The following ADAM28 variants were observed in gnomAD, a reference collection of about 807,000 sequenced individuals.
The protein encoded by ADAM28 is ADAM metallopeptidase domain 28.
A neutral mutation model predicts 101.2 loss-of-function variants in ADAM28; 105 were observed. The ratio of observed to expected loss-of-function variants is 1.04; its 90% confidence interval spans 0.89 to 1.22. ADAM28 has a LOEUF of 1.22. Ranked by LOEUF, ADAM28 falls within the 50% of genes most tolerant of loss-of-function variation. The probability of loss-of-function intolerance (pLI) is 0.00; values close to 1 mark genes in which losing one functional copy is unlikely to be tolerated. For missense variants in ADAM28, 1,028 were observed against 945.4 expected (o/e 1.09, Z -1.15); for synonymous variants, 322 against 310.6 (o/e 1.04, Z -0.39).
intron 2 of ADAM28, among the ~76,000 whole-genome samples, chr8:24,300,480 G>C (rs6992028): frequency 5.9e-5 from 9 of 151,840 alleles, no homozygotes; most frequent in African/African-American, 2.2e-4. Flanking sequence ...GCAGTGGTGT[G>C]ATCTTGGCTC....
chr8:24,327,849 C>T (rs963210530), intron 10 of ADAM28, among the ~76,000 whole-genome samples: 2 of 152,056 alleles, frequency 1.3e-5, no homozygotes, highest in Non-Finnish European at 2.9e-5. Flanking sequence ...GAGTATGCCT[C>T]TAACTCTTTC....
At chr8:24,316,431 A>G (rs1246429391) in intron 6 of ADAM28, among the ~76,000 whole-genome samples, 2 of 152,042 alleles carry the variant, frequency 1.3e-5, no homozygotes, top group African/African-American at 4.8e-5. Flanking sequence ...ACAAATGTTG[A>G]TAGTGTGCAA....
rs768743036 is a variant in ADAM28, at chr8:24,330,109, C to T, written c.1097C>T (p.Ala366Val). The T allele has an allele frequency of 6.2e-7, 1 of 1,612,856 alleles. No individual in the cohort carries two copies. The highest frequency in any genetic ancestry group is 8.5e-7 in the Non-Finnish European group (1 of 1,179,204). Reference protein sequence around the residue: ...CPSTICVMDKALSFYIPTDFS... With the variant: ...CPSTICVMDKVLSFYIPTDFS... ...TCTACAATATGTGTGATGGACAAAGCACTGAGGTGAGGCTCTCTGGGCCCT... is the reference window on the plus strand; with the variant it reads ...TCTACAATATGTGTGATGGACAAAGTACTGAGGTGAGGCTCTCTGGGCCCT... The change falls in exon 11 of 23, where the codon GCA becomes GTA. Residue 366 changes from alanine (A) to valine (V), a missense_variant. Coordinates refer to ENST00000265769, the MANE Select transcript of ADAM28 (RefSeq NM_014265.6).
chr8:24,316,982 G>A (rs982709820), intron 6 of ADAM28, among the ~76,000 whole-genome samples: 1 of 147,078 alleles, frequency 6.8e-6, no homozygotes, highest in Non-Finnish European at 1.5e-5. Flanking sequence ...ATAATACTTG[G>A]GAATAAATTT....
chr8:24,319,552 GA>G (rs760267878), intron 6 of ADAM28, among the ~76,000 whole-genome samples: 19 of 151,938 alleles, frequency 1.3e-4, no homozygotes, highest in Non-Finnish European at 2.5e-4. Flanking sequence ...CTTTGTAATC[GA>G]ACTTTAGTTA....
rs1173373914 is a variant in ADAM28 at position 24,313,494 on chromosome 8, A to T, written c.490A>T (p.Asn164Tyr). The change falls in exon 6 of 23, where the codon AAT becomes TAT. Residue 164 changes from asparagine to tyrosine, a missense_variant. By Grantham distance (143) the Asn-to-Tyr change is moderately radical. Transcript: ENST00000265769. ...ALFKYNPDEK[N>Y]YDSTCGMDGV... ...CTTCAAGTATAACCCTGATGAAAAG[A>T]ATTATGACAGCACCTGTGGGATGGA... The T allele has an allele frequency of 1.2e-6, 2 of 1,613,926 alleles. No individual in the cohort carries two copies. The highest frequency in any genetic ancestry group is 3.3e-5 in the Admixed American group (2 of 59,970).
intron 14 of ADAM28, chr8:24,336,037 C>CGGGTGT (rs1813998391): frequency 1.0e-6 from 1 of 956,378 alleles, no homozygotes; most frequent in Non-Finnish European, 1.2e-6. Context: ...TGTGTGTGTG[C>CGGGTGT]GGGTGTGTGT....
At chr8:24,313,636 G>T in intron 6 of ADAM28, 56 bp downstream of exon 6, 1 of 1,545,724 alleles carries the variant, frequency 6.5e-7, no homozygotes, top group South Asian at 1.2e-5. Context: ...CTGGTTTCCA[G>T]AATTAGCAGT....
At chr8:24,349,753 C>A in intron 18 of ADAM28, 111 bp from the exon 19 acceptor site, 1 of 725,698 alleles carries the variant, frequency 1.4e-6, no homozygotes, top group South Asian at 2.3e-5. Context: ...AATTTATGTT[C>A]ATTGGAGAAA....
At chr8:24,323,670 T>C (rs1812172774) in intron 8 of ADAM28, among the ~76,000 whole-genome samples, 164 bp from the exon 9 acceptor site, 1 of 151,998 alleles carries the variant, frequency 6.6e-6, no homozygotes, top group South Asian at 2.1e-4. Context: ...ATGGGAGTTT[T>C]AGTGTCTACA....
Position 24,358,818 on chromosome 8 carries a change from C to T in ADAM28, c.*4414C>T, listed in dbSNP as rs4242406. ...AAGGCAACTTCTTGTGAACATTAAACGGTTTATCTCCTTCACCTCATATTA... is the reference window on the plus strand; with the variant it reads ...AAGGCAACTTCTTGTGAACATTAAATGGTTTATCTCCTTCACCTCATATTA... On this transcript the variant is annotated 3_prime_UTR_variant, in exon 23 of 23. Coordinates refer to ENST00000265769, the MANE Select transcript of ADAM28 (RefSeq NM_014265.6). The T allele has an allele frequency of 0.87, 132,643 of 152,178 alleles. 58,055 individuals are homozygous for T. The highest frequency in any genetic ancestry group is 0.91 in the Non-Finnish European group (61,742 of 68,012). 9.4% of individuals were successfully genotyped at this position (152,178 alleles called of 1,614,324 possible). A position where few individuals can be genotyped will look rare whatever the true frequency, so the allele number is the denominator to read the frequency against.
At chr8:24,345,027 T>C (rs1815244665) in intron 18 of ADAM28, among the ~76,000 whole-genome samples, 1 of 139,958 alleles carries the variant, frequency 7.1e-6, no homozygotes, top group South Asian at 2.2e-4. Context: ...ATATTTAATG[T>C]CAAAAAAAAA....
rs1309750360 is a variant in ADAM28, at chr8:24,309,990, A to G, written c.227+20A>G. On this transcript the variant is annotated intron_variant, in intron 3 of 22. Coordinates refer to ENST00000265769, the MANE Select transcript of ADAM28 (RefSeq NM_014265.6). ...AAACAAGTAAGTATCTTTACCTGTG[A>G]TATTATCCTCAGCAAGAGCAAGGCA... is the stretch of plus-strand genomic sequence containing the variant. 2 of 1,540,954 alleles carry G rather than the reference A, an allele frequency of 1.3e-6. No individual in the cohort carries two copies. Among genetic ancestry groups the G allele is most frequent in the Non-Finnish European group, 1.8e-6 (2 of 1,116,506 alleles).
chr8:24,324,005 T>C lies in ADAM28; in HGVS notation c.890+2T>C, dbSNP rs1173224569. The C allele has an allele frequency of 6.2e-7, 1 of 1,611,198 alleles. No homozygotes were observed. The highest frequency in any genetic ancestry group is 8.5e-7 in the Non-Finnish European group (1 of 1,178,228). The stretch of plus-strand genomic sequence containing the variant: ...TCATGATATTGCTCAGTTAATCACG[T>C]ATGTACAGATTTTCTCCCATTGCAC... On this transcript the variant is annotated splice_donor_variant, in intron 9 of 22. Coordinates refer to ENST00000265769, the MANE Select transcript of ADAM28 (RefSeq NM_014265.6). LOFTEE classifies it high-confidence loss of function.
In ADAM28 at chr8:24,358,968, G is replaced by A. The variant is rs1323170617; in HGVS notation, c.*4564G>A. On this transcript the variant is annotated 3_prime_UTR_variant, in exon 23 of 23. Coordinates refer to ENST00000265769, the MANE Select transcript of ADAM28 (RefSeq NM_014265.6). Reference sequence around the variant, plus strand: ...TTGTTACTTTAAATAGTTTGACAATGTTATTTTAAAATCTGGACAAATCAC... The same window carrying A: ...TTGTTACTTTAAATAGTTTGACAATATTATTTTAAAATCTGGACAAATCAC... 6.6e-6 allele frequency: 1 copy of A among 152,050 alleles called. No homozygotes were observed. Among genetic ancestry groups the A allele is most frequent in the Non-Finnish European group, 1.5e-5 (1 of 68,004 alleles). The allele number at this position is 152,050 out of a possible 1,614,324, so 9.4% of individuals were successfully genotyped here.
intron 22 of ADAM28, 135 bp downstream of exon 22, chr8:24,353,967 G>C: frequency 1.8e-6 from 1 of 568,178 alleles, no homozygotes; most frequent in Non-Finnish European, 3.1e-6. Flanking sequence ...GTGCCAACAT[G>C]AAAGTCTTAT....
intron 13 of ADAM28, among the ~76,000 whole-genome samples, chr8:24,333,945 T>A (rs1813686712): frequency 6.6e-6 from 1 of 152,330 alleles, no homozygotes; most frequent in African/African-American, 2.4e-5. Flanking sequence ...TTTTAAATGA[T>A]CTGTAACTGC....
At chr8:24,321,726 G>A (rs1021680629) in intron 8 of ADAM28, among the ~76,000 whole-genome samples, 2 of 151,862 alleles carry the variant, frequency 1.3e-5, no homozygotes, top group African/African-American at 4.8e-5. Flanking sequence ...CATAGCTAAG[G>A]AATCATATTC....
At chr8:24,342,671 A>G (rs1335985650) in intron 16 of ADAM28, among the ~76,000 whole-genome samples, 1 of 152,090 alleles carries the variant, frequency 6.6e-6, no homozygotes, top group Non-Finnish European at 1.5e-5. Context: ...TGTATTTTCT[A>G]GTGCTGAAGC....
Sources: allele counts gnomAD v4.1 joint callset (sites outside exome capture counted in the v4.1 genomes callset), GRCh38; gene constraint gnomAD v4.1.1; transcripts MANE v1.5; gene names NCBI Gene and HGNC (gene_info 2026-07-23, HGNC 2026-07-21).